Variants in HSPG2 observed in about 807,000 individuals in gnomAD.
The protein encoded by HSPG2 is heparan sulfate proteoglycan 2.
HSPG2 carries 278 observed loss-of-function variants against 526.6 expected under a neutral mutation model. The observed-to-expected ratio is 0.53, with a 90% CI of 0.48 to 0.58. The LOEUF is 0.58. Ranked by LOEUF, HSPG2 falls within the 20% of genes least tolerant of loss-of-function variation. The pLI, the probability that HSPG2 is intolerant of heterozygous loss-of-function variation, is 0.00. For synonymous variants in HSPG2, 2,465 were observed against 2,555.4 expected, an observed-to-expected ratio of 0.96 and a Z score of 1.07; for missense variants, 5,354 against 6,099.5, an observed-to-expected ratio of 0.88 and a Z score of 4.07.
rs564790432 is a variant in HSPG2 at position 21,847,596 on chromosome 1, C to G, written c.8025+93G>C. On this transcript the variant is annotated intron_variant, in intron 61 of 96. Coordinates refer to ENST00000374695, the MANE Select transcript of HSPG2 (RefSeq NM_005529.7). This position sits in a 1 kb window ranked among gnomAD's most constrained non-coding sequence, Gnocchi z 4.1. The stretch of plus-strand genomic sequence containing the variant: ...TCAGCCTGTTGAGGCTGCTATCGGT[C>G]TACCCAGGGCCCAATCCGTGAGACA... 2 of 1,606,506 alleles carry G rather than the reference C, an allele frequency of 1.2e-6. No individual in the cohort carries two copies. Among genetic ancestry groups the G allele is most frequent in the Non-Finnish European group, 1.7e-6 (2 of 1,175,028 alleles).
chr1:21,936,110 C>T (rs1044473998), intron 1 of HSPG2, among the ~76,000 whole-genome samples: 1 of 152,068 alleles, frequency 6.6e-6, no homozygotes, highest in African/African-American at 2.4e-5. Context: ...CCTAGGAGCA[C>T]CTCGGAGAGA....
Position 21,828,036 on chromosome 1 carries a change from G to A in HSPG2, c.12526C>T (p.Gln4176Ter). 1 of 1,613,648 alleles carries A rather than the reference G, an allele frequency of 6.2e-7. No individual in the cohort carries two copies. The highest frequency in any genetic ancestry group is 8.5e-7 in the Non-Finnish European group (1 of 1,180,014). The change falls in exon 90 of 97, where the codon CAA becomes TAA. Residue 4176 changes from glutamine to a stop codon, truncating the protein, a stop_gained. Coordinates refer to ENST00000374695, the MANE Select transcript of HSPG2 (RefSeq NM_005529.7). LOFTEE classifies it high-confidence loss of function. This position sits in a 1 kb window ranked among gnomAD's most constrained non-coding sequence, Gnocchi z 6.0. ...AGAAGCCAGGCCTGGGTACCTTGTT[G>A]GCAGCGTGGGCCAGAGAAGCCAGGG... ...CLPGFSGPRCQQGSGHGIAES... is the reference protein window; with the variant it reads ...CLPGFSGPRC
At chr1:21,881,274 C>T in intron 14 of HSPG2, 65 bp downstream of exon 14, 1 of 1,577,134 alleles carries the variant, frequency 6.3e-7, no homozygotes, top group Non-Finnish European at 8.7e-7. Flanking sequence ...TGTCCACCAA[C>T]TGCAGAAGGA....
chr1:21,881,286 C>T, intron 14 of HSPG2, 53 bp downstream of exon 14: 1 of 1,596,736 alleles, frequency 6.3e-7, no homozygotes, highest in Non-Finnish European at 8.6e-7. Flanking sequence ...GCAGAAGGAG[C>T]AGAGCCCACA....
At position 21,833,170 on chromosome 1, in the gene HSPG2, G is replaced by A. The variant is rs1395587705; in HGVS notation, c.11095+98C>T. 5 of 1,006,822 alleles carry A rather than the reference G, an allele frequency of 5.0e-6. No homozygotes were observed. The African/African-American group carries it at 6.3e-5, about 13-fold the overall frequency. The allele number at this position is 1,006,822 out of a possible 1,614,324, so 62.4% of individuals were successfully genotyped here. A position where few individuals can be genotyped will look rare whatever the true frequency, so the allele number is the denominator to read the frequency against. ...AGGGAGGGCTGAGGGATTGGGGCAGGACTGAGGGGCAGCCAGGGCTCCTGC... is the reference window on the plus strand; with the variant it reads ...AGGGAGGGCTGAGGGATTGGGGCAGAACTGAGGGGCAGCCAGGGCTCCTGC... On this transcript the variant is annotated intron_variant, in intron 80 of 96. Transcript: ENST00000374695.
rs141963344 is a variant in HSPG2 at position 21,838,865 on chromosome 1, C to A, written c.10110G>T (p.Lys3370Asn). The change falls in exon 74 of 97, where the codon AAG (lysine) becomes AAT (asparagine). Residue 3370 changes from lysine to asparagine, a missense_variant. Physicochemically the swap from Lys to Asn is moderately conservative, Grantham distance 94. Transcript: ENST00000374695. The stretch of plus-strand genomic sequence containing the variant: ...GGGCAAAGGCCTCGGCTGAGCCCAC[C>A]TTGTTGGTGACCCGGCAGCGGTAGC... ...SGRYRCRVTNKVGSAEAFAQL... is the reference protein window; with the variant it reads ...SGRYRCRVTNNVGSAEAFAQL... 1 of 1,612,734 alleles carries A rather than the reference C, an allele frequency of 6.2e-7. No individual in the cohort carries two copies. Among genetic ancestry groups the A allele is most frequent in the African/African-American group, 1.3e-5 (1 of 75,060 alleles).
intron 1 of HSPG2, among the ~76,000 whole-genome samples, chr1:21,936,407 C>G (rs979865947): frequency 6.6e-6 from 1 of 152,218 alleles, no homozygotes; most frequent in Non-Finnish European, 1.5e-5. Flanking sequence ...TCGGGTCCCC[C>G]AAGGGTGCAC....
At chr1:21,829,193 C>A in intron 87 of HSPG2, 114 bp from the exon 88 acceptor site, 1 of 1,442,886 alleles carries the variant, frequency 6.9e-7, no homozygotes, top group South Asian at 1.3e-5. Flanking sequence ...CTTCTGTATT[C>A]CAGATGAGGA....
At chr1:21,845,964 G>A (rs1395954630) in intron 64 of HSPG2, 144 bp downstream of exon 64, 1 of 982,572 alleles carries the variant, frequency 1.0e-6, no homozygotes, top group Non-Finnish European at 1.6e-6. Flanking sequence ...CTGGGACCGT[G>A]TGGGTGGCGG....
chr1:21,827,649 G>A (rs771840556), intron 91 of HSPG2, among the ~76,000 whole-genome samples: 1 of 152,218 alleles, frequency 6.6e-6, no homozygotes. Context: ...AGGAAACTGA[G>A]GTCAGAGTGG....
chr1:21,889,938 A>G (rs1264602119), intron 6 of HSPG2, 43 bp downstream of exon 6: 2 of 1,610,460 alleles, frequency 1.2e-6, no homozygotes, highest in Non-Finnish European at 1.7e-6. Context: ...AGGGGACCCC[A>G]CGAGTCTGGA....
At chr1:21,843,507 C>T in intron 65 of HSPG2, 69 bp from the exon 66 acceptor site, 1 of 1,527,720 alleles carries the variant, frequency 6.5e-7, no homozygotes, top group East Asian at 2.4e-5. Flanking sequence ...CTCTGGTACC[C>T]ACACCCTGGG....
intron 6 of HSPG2, chr1:21,889,685 AC>A (rs1157850030): frequency 2.3e-6 from 1 of 427,816 alleles, no homozygotes; most frequent in East Asian, 4.3e-5. Context: ...ATTATTAAGT[AC>A]TAATGTGTTT....
rs2152749471 is a variant in HSPG2 at position 21,876,648 on chromosome 1, T to C, written c.2690A>G (p.Asn897Ser). The C allele has an allele frequency of 1.2e-6, 2 of 1,614,172 alleles. No individual in the cohort carries two copies. Residue 897 changes from asparagine to serine, a missense_variant, in exon 22 of 97, where the codon AAT becomes AGT. By Grantham distance (46) the Asn-to-Ser change is conservative. Coordinates refer to ENST00000374695, the MANE Select transcript of HSPG2 (RefSeq NM_005529.7). The stretch of plus-strand genomic sequence containing the variant: ...TTCATTGCACAAGCGCCCCACCACA[T>C]TGTTCTGCAGGCACAGAGTTGGAGC... Reference protein sequence around the residue: ...TSGEACRCKNNVVGRLCNECA... With the variant: ...TSGEACRCKNSVVGRLCNECA...
chr1:21,889,839 A>G, intron 6 of HSPG2, 142 bp downstream of exon 6: 1 of 855,642 alleles, frequency 1.2e-6, no homozygotes, highest in Admixed American at 1.9e-5. Context: ...GATTGTGTAA[A>G]GATCGATGGG....
intron 75 of HSPG2, among the ~76,000 whole-genome samples, chr1:21,836,509 G>C (rs532275130): frequency 1.4e-4 from 21 of 152,260 alleles, no homozygotes; most frequent in African/African-American, 5.1e-4. Context: ...TTTTAGTAGA[G>C]GCAGGGTTTC....
At position 21,905,316 on chromosome 1, in the gene HSPG2, CA is replaced by C. The variant is rs911361787; in HGVS notation, c.64-9007del. ...AACCTCTTTTGCTACTGTGCTCCCC[CA>C]ACTCCCTGCCTTCTAAAATAGCCAC... On this transcript the variant is annotated intron_variant, in intron 1 of 96. Coordinates refer to ENST00000374695, the MANE Select transcript of HSPG2 (RefSeq NM_005529.7). Among the ~76,000 whole-genome samples the C allele has an allele frequency of 2.1e-5, 3 of 143,776 alleles. No individual in the cohort carries two copies. In the Admixed American group the frequency reaches 2.2e-4, roughly 11 times the overall value. The allele number at this position is 143,776 out of a possible 152,430, so 94.3% of individuals were successfully genotyped here.
Position 21,874,999 on chromosome 1 carries a change from G to C in HSPG2, c.3306C>G (p.Val1102=), listed in dbSNP as rs775832945. The C allele has an allele frequency of 1.9e-5, 30 of 1,594,248 alleles. No individual in the cohort carries two copies. Among genetic ancestry groups the C allele is most frequent in the Non-Finnish European group, 2.5e-5 (29 of 1,169,742 alleles). The change falls in exon 26 of 97, where the codon GTC becomes GTG. Residue 1102 remains valine, a synonymous_variant. Transcript: ENST00000374695. Reference sequence around the variant, plus strand: ...CAGCCACGTCCATGCTGATGCCAGAGACCCTGGGCGTGACAAGACCCAGCG... The same window carrying C: ...CAGCCACGTCCATGCTGATGCCAGACACCCTGGGCGTGACAAGACCCAGCG... ...SYAQQPAESR[V]SGISMDVAVP...
In HSPG2 at chr1:21,832,546, C is replaced by G. The variant is rs78280998; in HGVS notation, c.11156G>C (p.Arg3719Pro). The change falls in exon 81 of 97, where the codon CGG (arginine) becomes CCG (proline). Residue 3719 changes from arginine (R) to proline (P), a missense_variant. Transcript: ENST00000374695. Reference protein sequence around the residue: ...VPGSPTNLANRQPDFISFGLV... With the variant: ...VPGSPTNLANPQPDFISFGLV... ...GCCGAAGGAGATGAAGTCGGGCTGC[C>G]GGTTGGCCAGGTTGGTGGGGCTCCC... 1.9e-6 allele frequency: 3 copies of G among 1,614,224 alleles called. No homozygotes were observed. The highest frequency in any genetic ancestry group is 2.5e-6 in the Non-Finnish European group (3 of 1,180,040).
Sources: allele counts gnomAD v4.1 joint callset (sites outside exome capture counted in the v4.1 genomes callset), GRCh38; gene constraint gnomAD v4.1.1; non-coding constraint Gnocchi (gnomAD v3.1); transcripts MANE v1.5; gene names NCBI Gene and HGNC (gene_info 2026-07-23, HGNC 2026-07-21).